The following COL4A4 variants were observed in gnomAD, a reference collection of about 807,000 sequenced individuals.
The protein encoded by COL4A4 is collagen alpha-4(IV) chain.
Under a neutral mutation model 192.9 loss-of-function variants are expected in COL4A4, and 105 were observed. That is an observed-to-expected ratio of 0.54 (90% confidence interval 0.46 to 0.64). COL4A4 has a LOEUF of 0.64. Ranked by LOEUF, COL4A4 falls within the 30% of genes least tolerant of loss-of-function variation. The pLI is 0.00. For missense variants in COL4A4, 1,967 were observed against 2,169.3 expected, an observed-to-expected ratio of 0.91 and a Z score of 1.85; for synonymous variants, 762 against 769.9, an observed-to-expected ratio of 0.99 and a Z score of 0.17.
Position 227,062,605 on chromosome 2 carries a change from T to G in COL4A4, c.1988-7A>C, listed in dbSNP as rs781167410. Reference sequence around the variant, plus strand: ...TTGCAAGAAATTGTGTCACCTGCAATGAGAAAAGAAAAGCGGCATTCACAT... The same window carrying G: ...TTGCAAGAAATTGTGTCACCTGCAAGGAGAAAAGAAAAGCGGCATTCACAT... On this transcript the variant is annotated splice_polypyrimidine_tract_variant and splice_region_variant and intron_variant, in intron 25 of 47. Coordinates refer to ENST00000396625, the MANE Select transcript of COL4A4 (RefSeq NM_000092.5). The G allele has an allele frequency of 1.2e-5, 19 of 1,610,126 alleles. No individual in the cohort carries two copies. The highest frequency in any genetic ancestry group is 1.6e-5 in the Non-Finnish European group (19 of 1,176,502).
At chr2:226,984,898 C>G in the COL4A4 span, among the ~76,000 whole-genome samples, 1 of 149,774 alleles carries the variant, frequency 6.7e-6, no homozygotes, top group Non-Finnish European at 1.5e-5. Flanking sequence ...TATCTCACTT[C>G]CGCCCTTCTG....
rs1359522842 is a variant in COL4A4 at position 227,003,502 on chromosome 2, A to C, written c.*3823T>G. ...ACTATTCTTGCAGCCATACCAAGTA[A>C]AAGTAACAATTATCAGATTATTCCA... On this transcript the variant is annotated 3_prime_UTR_variant, in exon 48 of 48. Coordinates refer to ENST00000396625, the MANE Select transcript of COL4A4 (RefSeq NM_000092.5). The C allele has an allele frequency of 6.6e-6, 1 of 152,212 alleles. No individual in the cohort carries two copies. The highest frequency in any genetic ancestry group is 1.5e-5 in the Non-Finnish European group (1 of 68,032). 9.4% of individuals were successfully genotyped at this position (152,212 alleles called of 1,614,324 possible).
rs751130458 is a variant in COL4A4, at chr2:227,012,242, C to T, written c.4272G>A (p.Gly1424=). ...DGRRGVDGVP[G]SPGPPGRKGD... ...CTTTACGTCCGGGAGGCCCAGGAGA[C>T]CCAGGGACGCCATCCACACCCCTCC... is the stretch of plus-strand genomic sequence containing the variant. Residue 1424 remains glycine (G), a synonymous_variant, in exon 45 of 48, where the codon GGG becomes GGA. Transcript: ENST00000396625. The T allele has an allele frequency of 1.9e-6, 3 of 1,614,086 alleles. No individual in the cohort carries two copies. The highest frequency in any genetic ancestry group is 1.3e-5 in the African/African-American group (1 of 75,018).
In COL4A4 at chr2:227,054,668, G is replaced by A; in HGVS notation, c.2786C>T (p.Pro929Leu). The change falls in exon 31 of 48, where the codon CCT becomes CTT. Residue 929 changes from proline (P) to leucine (L), a missense_variant. Physicochemically the swap from Pro to Leu is moderately conservative, Grantham distance 98 (BLOSUM62 -3). Coordinates refer to ENST00000396625, the MANE Select transcript of COL4A4 (RefSeq NM_000092.5). ...CTCTCCAGGTTCTCCCTTTGCGCCA[G>A]GACATCCCTCTGCACCAGGCTTTCC... ...ERGKPGAEGC[P>L]GAKGEPGEKG... 28 of 1,614,236 alleles carry A rather than the reference G, an allele frequency of 1.7e-5. No individual in the cohort carries two copies. The highest frequency in any genetic ancestry group is 2.3e-5 in the Non-Finnish European group (27 of 1,180,042).
downstream of COL4A4, among the ~76,000 whole-genome samples, chr2:227,001,660 G>C (rs1378412277): frequency 1.3e-5 from 2 of 152,158 alleles, no homozygotes; most frequent in African/African-American, 2.4e-5. Context: ...TCTACTAGAT[G>C]GTGACTGTAT....
At chr2:227,134,806 C>A (rs528740762) in intron 4 of COL4A4, among the ~76,000 whole-genome samples, 4 of 152,344 alleles carry the variant, frequency 2.6e-5, no homozygotes, top group East Asian at 3.9e-4. Flanking sequence ...CAATTCTTGA[C>A]ATTTACGTCA....
chr2:227,031,818 A>G (rs1575913385), intron 40 of COL4A4, 127 bp downstream of exon 40: 1 of 759,806 alleles, frequency 1.3e-6, no homozygotes, highest in South Asian at 1.5e-5. Context: ...CCACTTATCG[A>G]CCTGCCAAGC....
chr2:227,041,856 A>AGAGAGAGAGAG (rs1559478390), intron 37 of COL4A4, among the ~76,000 whole-genome samples: 4 of 96,974 alleles, frequency 4.1e-5, no homozygotes, highest in Non-Finnish European at 6.4e-5. Flanking sequence ...AAGAGAAAGA[A>AGAGAGAGAGAG]AGAAAGAAAG....
chr2:227,036,802 TA>T (rs990428379), intron 37 of COL4A4, among the ~76,000 whole-genome samples: 1 of 151,876 alleles, frequency 6.6e-6, no homozygotes, highest in African/African-American at 2.4e-5. Context: ...AGTAATCTAG[TA>T]AAAAAAGCGG....
intron 32 of COL4A4, among the ~76,000 whole-genome samples, chr2:227,051,828 C>T (rs1380422416): frequency 6.6e-6 from 1 of 152,158 alleles, no homozygotes; most frequent in Admixed American, 6.5e-5. Flanking sequence ...TACACAGGAA[C>T]TTCAGCTAAA....
chr2:227,032,101 G>T (rs773898506), intron 39 of COL4A4, 46 bp from the exon 40 acceptor site: 3 of 1,614,100 alleles, frequency 1.9e-6, no homozygotes, highest in Non-Finnish European at 2.5e-6. Context: ...CATTTGGAAG[G>T]TTTTGGTTTA....
intron 9 of COL4A4, among the ~76,000 whole-genome samples, chr2:227,111,289 C>T (rs535396685): frequency 3.9e-5 from 6 of 151,992 alleles, no homozygotes; most frequent in East Asian, 1.9e-4. Context: ...AAAATGGTAG[C>T]GAGAAGCAAT....
chr2:227,000,722 T>C (rs1192113489), downstream of COL4A4, among the ~76,000 whole-genome samples: 3 of 151,934 alleles, frequency 2.0e-5, no homozygotes, highest in Admixed American at 6.6e-5. Flanking sequence ...AGAGGTAATA[T>C]GGTTTGGCTG....
intron 17 of COL4A4, among the ~76,000 whole-genome samples, chr2:227,100,641 G>A (rs968722344): frequency 1.3e-5 from 2 of 152,038 alleles, no homozygotes; most frequent in Non-Finnish European, 2.9e-5. Context: ...TAGCCTAGGG[G>A]TTCTGAAACT....
chr2:227,102,402 T>C (rs2060573155), intron 15 of COL4A4, among the ~76,000 whole-genome samples: 1 of 152,228 alleles, frequency 6.6e-6, no homozygotes, highest in Non-Finnish European at 1.5e-5. Context: ...GGCTTTCTAT[T>C]AGTGACATGT....
In COL4A4 at chr2:227,008,002, A is replaced by G; in HGVS notation, c.4809+16T>C. 1 of 1,606,628 alleles carries G rather than the reference A, an allele frequency of 6.2e-7. No homozygotes were observed. Among genetic ancestry groups the G allele is most frequent in the South Asian group, 1.1e-5 (1 of 91,070 alleles). ...AATGGTGAATGAGCCAGGGTTTTCA[A>G]GGGCACGGGACTCACCATCAGGAAT... On this transcript the variant is annotated intron_variant, in intron 47 of 47. Transcript: ENST00000396625.
At chr2:227,135,021 TA>T (rs1372290201) in intron 4 of COL4A4, among the ~76,000 whole-genome samples, 1 of 152,190 alleles carries the variant, frequency 6.6e-6, no homozygotes, top group Non-Finnish European at 1.5e-5. Context: ...AGCCCACCAG[TA>T]AACACAGAGA....
intron 11 of COL4A4, 81 bp from the exon 12 acceptor site, chr2:227,108,703 C>T: frequency 1.3e-6 from 2 of 1,534,146 alleles, no homozygotes; most frequent in African/African-American, 1.4e-5. Flanking sequence ...TCTGGCTACA[C>T]AATATATTGC....
intron 39 of COL4A4, 29 bp from the exon 40 acceptor site, chr2:227,032,084 C>T (rs769136866): frequency 6.2e-7 from 1 of 1,613,966 alleles, no homozygotes; most frequent in South Asian, 1.1e-5. Context: ...ACATGTTATC[C>T]TCATTGCATT....
Sources: allele counts gnomAD v4.1 joint callset (sites outside exome capture counted in the v4.1 genomes callset), GRCh38; gene constraint gnomAD v4.1.1; transcripts MANE v1.5; gene names NCBI Gene and HGNC (gene_info 2026-07-23, HGNC 2026-07-21).